Variants in CHL1 observed in about 807,000 individuals in gnomAD.
CHL1 encodes the protein neural cell adhesion molecule L1-like protein.
A neutral mutation model predicts 141.9 loss-of-function variants in CHL1; 96 were observed. The ratio of observed to expected loss-of-function variants is 0.68; its 90% CI spans 0.57 to 0.80. The LOEUF is 0.80. Among genes scored for constraint, CHL1 ranks in the 30% least tolerant of loss-of-function variants. The pLI, the probability that CHL1 is intolerant of heterozygous loss-of-function variation, is 0.00. For missense variants in CHL1, 1,820 were observed against 1,457.2 expected, an observed-to-expected ratio of 1.25 and a Z score of -4.05; for synonymous variants, 613 against 502.2, an observed-to-expected ratio of 1.22 and a Z score of -2.95.
chr3:235,086 G>A (rs1025263111), intron 1 of CHL1, among the ~76,000 whole-genome samples: 12 of 151,742 alleles, frequency 7.9e-5, no homozygotes, highest in African/African-American at 2.7e-4. Flanking sequence ...CATGTGCCAT[G>A]CTGGTGCGCT....
intron 15 of CHL1, among the ~76,000 whole-genome samples, chr3:368,904 A>G (rs1705249757): frequency 6.6e-6 from 1 of 152,154 alleles, no homozygotes; most frequent in South Asian, 2.1e-4. Context: ...AGATGATTAT[A>G]GATGTGTGGT....
intron 1 of CHL1, among the ~76,000 whole-genome samples, chr3:215,677 A>G (rs527382861): frequency 1.3e-5 from 2 of 152,258 alleles, no homozygotes; most frequent in South Asian, 4.1e-4. Context: ...TCAATTAAAA[A>G]CACAATTCAA....
intron 15 of CHL1, among the ~76,000 whole-genome samples, chr3:366,460 G>A (rs561435868): frequency 3.5e-3 from 396 of 112,708 alleles, no homozygotes; most frequent in African/African-American, 0.011. Context: ...GACAGAGAGA[G>A]ACTCTGTCTC....
At position 382,495 on chromosome 3, in the gene CHL1, G is replaced by C. The variant is rs142709902; in HGVS notation, c.2000G>C (p.Gly667Ala). 1.7e-5 allele frequency: 28 copies of C among 1,613,536 alleles called. 1 individual carries two copies. The African/African-American group carries it at 2.7e-4, about 15-fold the overall frequency. Reference protein sequence around the residue: ...NISEYIVEFEGNKEEPGRWEE... With the variant: ...NISEYIVEFEANKEEPGRWEE... ...CCAGAGTATATTGTTGAATTTGAAG[G>C]AAACAAAGAAGAGCCTGGAAGGTGG... Residue 667 changes from glycine (G) to alanine (A), a missense_variant, in exon 18 of 28, where the codon GGA becomes GCA. Gly to Ala is a moderately conservative substitution (Grantham distance 60, BLOSUM62 0). Coordinates refer to ENST00000256509, the MANE Select transcript of CHL1 (RefSeq NM_006614.4).
intron 5 of CHL1, among the ~76,000 whole-genome samples, chr3:328,742 C>T (rs1701209835): frequency 6.6e-6 from 1 of 152,150 alleles, no homozygotes; most frequent in Non-Finnish European, 1.5e-5. Context: ...GCAACTCTTT[C>T]ATGCAGCCTT....
chr3:247,707 C>T (rs189278628), intron 2 of CHL1: 1 of 152,170 alleles, frequency 6.6e-6, no homozygotes, highest in African/African-American at 2.4e-5. Context: ...CCTTAACTAT[C>T]AGGTTTCTGA....
intron 2 of CHL1, among the ~76,000 whole-genome samples, chr3:282,323 C>T (rs1696739299): frequency 6.6e-6 from 1 of 152,130 alleles, no homozygotes; most frequent in Non-Finnish European, 1.5e-5. Context: ...ACTGTGTAAG[C>T]CCATTAACGT....
intron 2 of CHL1, among the ~76,000 whole-genome samples, chr3:306,916 A>G (rs17023537): frequency 0.1 from 15,615 of 152,214 alleles, 1,153 homozygotes; most frequent in East Asian, 0.35. Context: ...TTGATGAGCA[A>G]AGAAAAATAA....
intron 19 of CHL1, among the ~76,000 whole-genome samples, chr3:385,143 G>C (rs565082105): frequency 6.6e-6 from 1 of 152,208 alleles, no homozygotes; most frequent in South Asian, 2.1e-4. Flanking sequence ...GTCTTTTAGG[G>C]TGTATCTGTA....
At chr3:314,810 G>T (rs1456245608) in intron 2 of CHL1, among the ~76,000 whole-genome samples, 17 of 152,042 alleles carry the variant, frequency 1.1e-4, no homozygotes, top group African/African-American at 4.1e-4. Flanking sequence ...TCATCCTAGG[G>T]TCAAAAGCCT....
At chr3:402,780 A>G (rs1489568733) in intron 27 of CHL1, among the ~76,000 whole-genome samples, 1 of 152,180 alleles carries the variant, frequency 6.6e-6, no homozygotes, top group Non-Finnish European at 1.5e-5. Context: ...TCTTTCCAGA[A>G]TAAAGAACAA....
At chr3:214,101 C>T (rs1700111349) in intron 1 of CHL1, among the ~76,000 whole-genome samples, 1 of 152,164 alleles carries the variant, frequency 6.6e-6, no homozygotes, top group Non-Finnish European at 1.5e-5. Context: ...GCAGTGATAT[C>T]CAGTATCATC....
chr3:248,148 A>C (rs944924196), intron 2 of CHL1: 3 of 152,082 alleles, frequency 2.0e-5, no homozygotes, highest in Non-Finnish European at 4.4e-5. Flanking sequence ...TCCAAATTGC[A>C]TACATAATTT....
chr3:246,248 G>T (rs749259265), intron 2 of CHL1, among the ~76,000 whole-genome samples: 5 of 152,176 alleles, frequency 3.3e-5, no homozygotes, highest in Admixed American at 6.6e-5. Flanking sequence ...AATTGTGGTT[G>T]TGTCATGATG....
intron 23 of CHL1, among the ~76,000 whole-genome samples, chr3:392,909 A>G (rs1273596618): frequency 1.3e-5 from 2 of 152,188 alleles, no homozygotes; most frequent in African/African-American, 2.4e-5. Flanking sequence ...AAAATAAGAA[A>G]TCTATTAGAA....
Position 408,555 on chromosome 3 carries a change from C to A in CHL1, c.*2844C>A, listed in dbSNP as rs932092795. 1 of 152,056 alleles carries A rather than the reference C, an allele frequency of 6.6e-6. No individual in the cohort carries two copies. The highest frequency in any genetic ancestry group is 1.5e-5 in the Non-Finnish European group (1 of 67,982). 9.4% of individuals were successfully genotyped at this position (152,056 alleles called of 1,614,324 possible). ...TTTGAAAATGATAAAAGCTAAGATG[C>A]CTTCTAACTTCATAAGCAAACCTTT... On this transcript the variant is annotated 3_prime_UTR_variant, in exon 28 of 28. Transcript: ENST00000256509.
chr3:399,203 G>A, intron 26 of CHL1, 55 bp downstream of exon 26: 4 of 1,460,904 alleles, frequency 2.7e-6, no homozygotes, highest in South Asian at 1.2e-5. Flanking sequence ...TTTCTGGGAA[G>A]CATTCTTCAG....
chr3:287,802 A>G (rs331877), intron 2 of CHL1, among the ~76,000 whole-genome samples: 11,278 of 151,290 alleles, frequency 0.075, 1,439 homozygotes, highest in African/African-American at 0.26. Context: ...GTCTCACTCT[A>G]TCATCCAGGG....
At chr3:394,113 G>C (rs1412140991) in intron 23 of CHL1, among the ~76,000 whole-genome samples, 1 of 152,080 alleles carries the variant, frequency 6.6e-6, no homozygotes, top group African/African-American at 2.4e-5. Context: ...ATCTGATTCA[G>C]CTTTTTACAG....
Sources: allele counts gnomAD v4.1 joint callset (sites outside exome capture counted in the v4.1 genomes callset), GRCh38; gene constraint gnomAD v4.1.1; transcripts MANE v1.5; gene names NCBI Gene and HGNC (gene_info 2026-07-23, HGNC 2026-07-21).